SPATA21: variants seen among roughly 807,000 people sequenced by gnomAD.
SPATA21 encodes the protein spermatogenesis associated 21.
In SPATA21, 47 loss-of-function variants were observed where a neutral mutation model predicts 54.8. That is an observed-to-expected ratio of 0.86 (90% CI 0.68 to 1.09). The LOEUF (loss-of-function observed/expected upper bound fraction) is 1.09. Among genes scored for constraint, SPATA21 ranks in the 50% least tolerant of loss-of-function variants. The pLI is 0.00. For synonymous variants in SPATA21, 245 were observed against 235.3 expected, an observed-to-expected ratio of 1.04 and a Z score of -0.38; for missense variants, 599 against 596.4, an observed-to-expected ratio of 1.00 and a Z score of -0.05.
At chr1:16,408,768 G>A (rs1010626259) in intron 7 of SPATA21, 2 of 179,412 alleles carry the variant, frequency 1.1e-5, no homozygotes, top group Non-Finnish European at 2.3e-5. Context: ...TATTCAGGAG[G>A]TTGAGGTAGG....
chr1:16,420,853 G>A (rs184173316), intron 5 of SPATA21, among the ~76,000 whole-genome samples: 77 of 152,228 alleles, frequency 5.1e-4, no homozygotes, highest in African/African-American at 1.7e-3. Context: ...GTGTGGCCAA[G>A]GAAAAGTGAG....
chr1:16,432,114 C>CTTTTTTTTTTTTTT (rs35240103), intron 2 of SPATA21, among the ~76,000 whole-genome samples: 2 of 133,106 alleles, frequency 1.5e-5, no homozygotes, highest in Non-Finnish European at 1.6e-5. Context: ...TCTTCTTCTT[C>CTTTTTTTTTTTTTT]TTTTTTTTTT....
chr1:16,433,870 A>ATT (rs1330643415), intron 1 of SPATA21, among the ~76,000 whole-genome samples: 7 of 152,146 alleles, frequency 4.6e-5, no homozygotes, highest in African/African-American at 1.7e-4. Context: ...CTCACATACC[A>ATT]TACAGTTCAC....
At chr1:16,425,528 C>A in intron 3 of SPATA21, 1 of 1,548,686 alleles carries the variant, frequency 6.5e-7, no homozygotes, top group African/African-American at 1.4e-5. Context: ...GGTTACCTGG[C>A]AGCTCTCAGG....
At chr1:16,399,609 C>G (rs958998597) in intron 11 of SPATA21, 88 bp from the exon 12 acceptor site, 2 of 1,439,640 alleles carry the variant, frequency 1.4e-6, no homozygotes, top group Non-Finnish European at 1.9e-6. Flanking sequence ...CCTGGCGTTG[C>G]TACATAATGA....
chr1:16,435,620 C>A (rs936289503), intron 1 of SPATA21, among the ~76,000 whole-genome samples: 13 of 150,536 alleles, frequency 8.6e-5, no homozygotes, highest in Admixed American at 2.7e-4. Flanking sequence ...CCCGGCCCCC[C>A]CCTTTTTTTT....
At chr1:16,414,793 T>C (rs554428028) in intron 5 of SPATA21, among the ~76,000 whole-genome samples, 5 of 143,552 alleles carry the variant, frequency 3.5e-5, no homozygotes, top group African/African-American at 1.3e-4. Flanking sequence ...TCGGGAAGGC[T>C]GAGGCAGGAG....
chr1:16,431,553 G>C (rs2086458610), intron 2 of SPATA21, 131 bp from the exon 3 acceptor site: 1 of 787,194 alleles, frequency 1.3e-6, no homozygotes, highest in African/African-American at 1.7e-5. Context: ...TGCAAGGAGA[G>C]GCACGCAGCA....
rs539837925 is a variant in SPATA21, at chr1:16,421,378, C to T, written c.144+131G>A. The T allele has an allele frequency of 1.9e-5, 17 of 893,422 alleles. No homozygotes were observed. The highest frequency in any genetic ancestry group is 2.9e-5 in the Non-Finnish European group (17 of 585,364). The allele number at this position is 893,422 out of a possible 1,614,324, so 55.3% of individuals were successfully genotyped here. On this transcript the variant is annotated intron_variant, in intron 5 of 12. Transcript: ENST00000335496. This position sits in a 1 kb window ranked among gnomAD's most constrained non-coding sequence, Gnocchi z 5.2. ...ATGTGCACTTTAACACACAGCCACA[C>T]ACACCTTCCTTGGTTTGACTCCAAA... is the stretch of plus-strand genomic sequence containing the variant.
rs778670029 is a variant in SPATA21, at chr1:16,426,557, C to CTATATATATATATATATATA, written c.35-4606_35-4587dup. On this transcript the variant is annotated intron_variant, in intron 3 of 12. Coordinates refer to ENST00000335496, the MANE Select transcript of SPATA21 (RefSeq NM_198546.1). The stretch of plus-strand genomic sequence containing the variant: ...TACAGGCGTGAACCATGGTGCCCGG[C>CTATATATATATATATATATA]TATATATATATATATATATATATTT... Among the ~76,000 whole-genome samples the CTATATATATATATATATATA allele has an allele frequency of 2.1e-4, 18 of 85,788 alleles. No homozygotes were observed. The East Asian group carries it at 4.6e-3, about 22-fold the overall frequency. 56.3% of individuals were successfully genotyped at this position (85,788 alleles called of 152,430 possible).
At chr1:16,427,995 C>T (rs756405855) in intron 3 of SPATA21, 30 of 1,549,194 alleles carry the variant, frequency 1.9e-5, no homozygotes, top group South Asian at 8.3e-5. Flanking sequence ...TGCCCACTTC[C>T]GAAGCATCCG....
intron 10 of SPATA21, 92 bp from the exon 11 acceptor site, chr1:16,400,984 AG>A (rs2100775886): frequency 6.9e-7 from 1 of 1,457,754 alleles, no homozygotes; most frequent in East Asian, 2.3e-5. Context: ...GCTCTGGAGC[AG>A]GAACACAAGC....
chr1:16,410,167 T>C, intron 5 of SPATA21, 124 bp from the exon 6 acceptor site: 1 of 793,762 alleles, frequency 1.3e-6, no homozygotes, highest in East Asian at 3.0e-5. Flanking sequence ...CTTTGGAGGA[T>C]GTACCCCAAA....
In SPATA21 at chr1:16,431,411, C is replaced by T. The variant is rs748854081; in HGVS notation, c.-40G>A. ...CACGGGTGCCAAGTGAGGGGCATCA[C>T]CTAGTGTGCTCCTACAGGAGAAATC... is the stretch of plus-strand genomic sequence containing the variant. On this transcript the variant is annotated 5_prime_UTR_variant, in exon 3 of 13. It adds an upstream start codon to the 5' untranslated region. Transcript: ENST00000335496. 6 of 1,612,884 alleles carry T rather than the reference C, an allele frequency of 3.7e-6. No homozygotes were observed. The highest frequency in any genetic ancestry group is 5.1e-6 in the Non-Finnish European group (6 of 1,179,312).
At chr1:16,423,723 T>C (rs1354397572) in intron 3 of SPATA21, among the ~76,000 whole-genome samples, 1 of 151,556 alleles carries the variant, frequency 6.6e-6, no homozygotes, top group Non-Finnish European at 1.5e-5. Context: ...TTTATATTTT[T>C]AGTAGAGACG....
At chr1:16,417,963 G>C (rs1363264613) in intron 5 of SPATA21, among the ~76,000 whole-genome samples, 1 of 152,148 alleles carries the variant, frequency 6.6e-6, no homozygotes, top group Non-Finnish European at 1.5e-5. Flanking sequence ...AAAGCTACCT[G>C]CTGGCCCCAG....
intron 5 of SPATA21, among the ~76,000 whole-genome samples, chr1:16,418,711 G>A (rs1288749516): frequency 6.6e-6 from 1 of 151,976 alleles, no homozygotes; most frequent in East Asian, 1.9e-4. Flanking sequence ...GGGACAACAG[G>A]TGCACGCCAC....
At chr1:16,398,930 C>A (rs1407218947) in intron 12 of SPATA21, 108 bp from the exon 13 acceptor site, 1 of 1,175,832 alleles carries the variant, frequency 8.5e-7, no homozygotes, top group East Asian at 2.6e-5. Context: ...AGGAGGCCTC[C>A]CCTCAGAAAT....
Position 16,398,676 on chromosome 1 carries a change from A to G in SPATA21, c.*89T>C. 1 of 1,491,398 alleles carries G rather than the reference A, an allele frequency of 6.7e-7. No individual in the cohort carries two copies. Among genetic ancestry groups the G allele is most frequent in the South Asian group, 1.1e-5 (1 of 87,014 alleles). 92.4% of individuals were successfully genotyped at this position (1,491,398 alleles called of 1,614,324 possible). A position where few individuals can be genotyped will look rare whatever the true frequency, so the allele number is the denominator to read the frequency against. ...TTGGTGTTTATTAGCTCACCAGGCC[A>G]CAAAAGCAAATCCCAGCAGCAGCTC... On this transcript the variant is annotated 3_prime_UTR_variant, in exon 13 of 13. Transcript: ENST00000335496.
Sources: gnomAD v4.1 joint callset for allele counts (sites outside exome capture counted in the v4.1 genomes callset) on GRCh38, gnomAD v4.1.1 for gene constraint, Gnocchi (gnomAD v3.1) non-coding constraint, MANE v1.5 for transcripts, NCBI Gene and HGNC (gene_info 2026-07-23, HGNC 2026-07-21) for gene names.